Variants in SERGEF observed in about 807,000 individuals in gnomAD.
SERGEF encodes the protein secretion-regulating guanine nucleotide exchange factor.
SERGEF carries 51 observed loss-of-function variants against 50.0 expected under a neutral mutation model. That is an observed-to-expected ratio of 1.02 (90% confidence interval 0.81 to 1.29). The LOEUF (loss-of-function observed/expected upper bound fraction) is 1.29. SERGEF is among the 50% of genes most tolerant of loss of function. The probability of loss-of-function intolerance (pLI) is 0.00; values close to 1 mark genes in which losing one functional copy is unlikely to be tolerated. For synonymous variants in SERGEF, 205 were observed against 212.4 expected, an observed-to-expected ratio of 0.97 and a Z score of 0.30; for missense variants, 521 against 557.0, an observed-to-expected ratio of 0.94 and a Z score of 0.65.
At chr11:17,805,005 A>G (rs1849731541) in intron 10 of SERGEF, among the ~76,000 whole-genome samples, 1 of 152,236 alleles carries the variant, frequency 6.6e-6, no homozygotes. Flanking sequence ...TATTACTTTC[A>G]TAACAAAAAA....
rs1055306769 is a variant in SERGEF, at chr11:18,012,455, T to A, written c.60+496A>T. On this transcript the variant is annotated intron_variant, in intron 1 of 10. Transcript: ENST00000265965. ...CCGGTCACAGCAGAGTGTCAGCAAATAGGCAGGGTCTGTGCCTTGTGCGCG... is the reference window on the plus strand; with the variant it reads ...CCGGTCACAGCAGAGTGTCAGCAAAAAGGCAGGGTCTGTGCCTTGTGCGCG... The A allele has an allele frequency of 1.1e-5, 11 of 1,032,438 alleles. No individual in the cohort carries two copies. The African/African-American group carries it at 1.9e-4, about 18-fold the overall frequency. 64.0% of individuals were successfully genotyped at this position (1,032,438 alleles called of 1,614,324 possible).
intron 8 of SERGEF, among the ~76,000 whole-genome samples, chr11:17,973,081 TCA>T (rs2133982602): frequency 6.6e-6 from 1 of 151,754 alleles, no homozygotes; most frequent in South Asian, 2.1e-4. Context: ...TGACGATGAC[TCA>T]CAGTACCCAA....
At chr11:17,803,714 T>C (rs980402617) in intron 10 of SERGEF, among the ~76,000 whole-genome samples, 2 of 152,184 alleles carry the variant, frequency 1.3e-5, no homozygotes, top group African/African-American at 4.8e-5. Flanking sequence ...CCTTCCTCGA[T>C]CTGGTGTATC....
chr11:17,810,421 T>C (rs1401468647), intron 10 of SERGEF, among the ~76,000 whole-genome samples: 1 of 152,178 alleles, frequency 6.6e-6, no homozygotes, highest in East Asian at 1.9e-4. Flanking sequence ...CTCCTTCCTC[T>C]AAAATGTCTA....
rs1398648637 is a variant in SERGEF, at chr11:17,991,118, C to T, written c.685+1813G>A. ...CTATTAATCTCCATAATCTTTAGCT[C>T]ATTTTCAAAATATCAAAAACCATTT... On this transcript the variant is annotated intron_variant, in intron 7 of 10. Coordinates refer to ENST00000265965, the MANE Select transcript of SERGEF (RefSeq NM_012139.4). The surrounding 1 kb of genome is among the most constrained non-coding windows in gnomAD (Gnocchi z 4.9). Among the ~76,000 whole-genome samples, 1 of 152,110 alleles carries T rather than the reference C, an allele frequency of 6.6e-6. No individual in the cohort carries two copies. Among genetic ancestry groups the T allele is most frequent in the African/African-American group, 2.4e-5 (1 of 41,430 alleles).
intron 9 of SERGEF, among the ~76,000 whole-genome samples, chr11:17,929,181 T>C (rs1021243262): frequency 6.6e-6 from 1 of 152,214 alleles, no homozygotes; most frequent in East Asian, 1.9e-4. Flanking sequence ...TAACTCGGCA[T>C]TGTCAAAGTG....
At chr11:17,913,202 C>T (rs547045030) in intron 9 of SERGEF, among the ~76,000 whole-genome samples, 10 of 152,360 alleles carry the variant, frequency 6.6e-5, no homozygotes, top group African/African-American at 2.4e-4. Flanking sequence ...CTGCATAAGC[C>T]TGTATCAGCA....
intron 10 of SERGEF, among the ~76,000 whole-genome samples, chr11:17,796,553 G>A (rs1849575036): frequency 6.6e-6 from 1 of 152,180 alleles, no homozygotes; most frequent in Non-Finnish European, 1.5e-5. Flanking sequence ...GCCATGTTAT[G>A]ATGCAGCAAG....
intron 9 of SERGEF, among the ~76,000 whole-genome samples, chr11:17,883,093 C>T (rs185100468): frequency 2.6e-5 from 4 of 152,180 alleles, no homozygotes; most frequent in African/African-American, 4.8e-5. Flanking sequence ...CCTCAGCCTG[C>T]GAAGTCAGAG....
At chr11:18,012,894 C>CT (rs1854228796) in intron 1 of SERGEF, 57 bp downstream of exon 1, 4 of 1,534,628 alleles carry the variant, frequency 2.6e-6, no homozygotes, top group Non-Finnish European at 2.6e-6. Flanking sequence ...CGGCCAGCAG[C>CT]TCCCACATCT....
intron 10 of SERGEF, among the ~76,000 whole-genome samples, chr11:17,827,430 G>T (rs1373700175): frequency 6.6e-6 from 1 of 152,184 alleles, no homozygotes; most frequent in African/African-American, 2.4e-5. Flanking sequence ...TCCCAGAAGA[G>T]AAATTTTGAA....
At chr11:17,909,408 G>A in intron 9 of SERGEF, among the ~76,000 whole-genome samples, 1 of 152,144 alleles carries the variant, frequency 6.6e-6, no homozygotes, top group Non-Finnish European at 1.5e-5. Flanking sequence ...TGTTGATAAA[G>A]GAATGTACTC....
chr11:17,844,673 G>A (rs1410100197), intron 10 of SERGEF, among the ~76,000 whole-genome samples: 2 of 152,136 alleles, frequency 1.3e-5, no homozygotes, highest in Non-Finnish European at 2.9e-5. Context: ...CCTGTTGCCA[G>A]CTTCTCTGCA....
chr11:17,794,174 T>G (rs1463058163), intron 10 of SERGEF, among the ~76,000 whole-genome samples: 3 of 152,188 alleles, frequency 2.0e-5, no homozygotes, highest in Admixed American at 6.5e-5. Flanking sequence ...TGCAGCTAGC[T>G]AGGTGTGATC....
At chr11:17,812,219 C>T (rs1849888555) in intron 10 of SERGEF, among the ~76,000 whole-genome samples, 1 of 152,196 alleles carries the variant, frequency 6.6e-6, no homozygotes, top group African/African-American at 2.4e-5. Flanking sequence ...ACACAAAACA[C>T]TCTCAGTCTA....
At chr11:17,922,274 T>G (rs1852172347) in intron 9 of SERGEF, among the ~76,000 whole-genome samples, 1 of 152,136 alleles carries the variant, frequency 6.6e-6, no homozygotes, top group Non-Finnish European at 1.5e-5. Flanking sequence ...GCTCTGGCAG[T>G]GAGACAGATC....
intron 6 of SERGEF, among the ~76,000 whole-genome samples, chr11:17,995,529 C>A (rs1051502805): frequency 2.0e-5 from 3 of 152,166 alleles, no homozygotes; most frequent in Non-Finnish European, 4.4e-5. Flanking sequence ...TCCAACCTAG[C>A]TTTTAACAGT....
At chr11:17,832,449 T>G (rs1850325836) in intron 10 of SERGEF, among the ~76,000 whole-genome samples, 2 of 152,210 alleles carry the variant, frequency 1.3e-5, no homozygotes, top group Admixed American at 6.5e-5. Flanking sequence ...CTGCTCAGTT[T>G]CAGGTATGTG....
chr11:17,993,130 C>T (rs1483407364), intron 6 of SERGEF, 137 bp from the exon 7 acceptor site: 3 of 641,286 alleles, frequency 4.7e-6, no homozygotes, highest in Admixed American at 2.7e-5. Context: ...CAGCACTGGC[C>T]AAGAAGATGG....
Sources: gnomAD v4.1 joint callset for allele counts (sites outside exome capture counted in the v4.1 genomes callset) on GRCh38, gnomAD v4.1.1 for gene constraint, Gnocchi (gnomAD v3.1) non-coding constraint, MANE v1.5 for transcripts, NCBI Gene and HGNC (gene_info 2026-07-23, HGNC 2026-07-21) for gene names.